The following PWWP3A variants were observed in gnomAD, a reference collection of about 807,000 sequenced individuals.
PWWP3A encodes PWWP domain containing 3A, DNA repair factor, also known as PWWP domain-containing DNA repair factor 3A.
PWWP3A carries 53 observed loss-of-function variants against 79.0 expected under a neutral mutation model. The observed-to-expected ratio is 0.67, with a 90% CI of 0.54 to 0.84. PWWP3A has a LOEUF of 0.84. PWWP3A is among the 40% of genes least tolerant of loss of function. The pLI, the probability that PWWP3A is intolerant of heterozygous loss-of-function variation, is 0.00. For missense variants in PWWP3A, 973 were observed against 948.0 expected (o/e 1.03, Z -0.35); for synonymous variants, 443 against 394.4 (o/e 1.12, Z -1.46).
intron 12 of PWWP3A, 175 bp downstream of exon 12, chr19:1,371,253 G>A (rs759618435): frequency 5.7e-5 from 45 of 784,108 alleles, no homozygotes; most frequent in South Asian, 1.2e-4. Flanking sequence ...ATGCGAGTGC[G>A]TGCGCTTGAC....
intron 11 of PWWP3A, among the ~76,000 whole-genome samples, chr19:1,370,197 C>T (rs2082220777): frequency 6.6e-6 from 1 of 152,188 alleles, no homozygotes; most frequent in Admixed American, 6.5e-5. Context: ...GATTGCACCG[C>T]TGCACTCCAG....
At chr19:1,372,981 G>A (rs2082293657) in intron 12 of PWWP3A, 91 bp from the exon 13 acceptor site, 1 of 1,044,194 alleles carries the variant, frequency 9.6e-7, no homozygotes, top group East Asian at 2.4e-5. Context: ...GGAACCTGGT[G>A]ACCCAGGCTC....
Position 1,358,477 on chromosome 19 carries a change from T to G in PWWP3A, c.214+13T>G. On this transcript the variant is annotated intron_variant, in intron 4 of 13. Transcript: ENST00000591337. The stretch of plus-strand genomic sequence containing the variant: ...GCTTCCTCGTTAGGTAAGAGCGTAT[T>G]TTTAAGTGGCCACTAGGTTTTCATA... 6.2e-7 allele frequency: 1 copy of G among 1,613,418 alleles called. No homozygotes were observed. Among genetic ancestry groups the G allele is most frequent in the Non-Finnish European group, 8.5e-7 (1 of 1,179,568 alleles).
chr19:1,371,346 C>T, intron 12 of PWWP3A: 1 of 704,680 alleles, frequency 1.4e-6, no homozygotes, highest in Non-Finnish European at 2.6e-6. Context: ...GGGGTGCGAA[C>T]TCCCTCCCTA....
chr19:1,362,483 A>G, intron 6 of PWWP3A, 132 bp downstream of exon 6: 1 of 658,354 alleles, frequency 1.5e-6, no homozygotes, highest in East Asian at 2.7e-5. Context: ...CACTGAACCG[A>G]GACCTGGAAG....
In PWWP3A at chr19:1,354,969, C is replaced by A. The variant is rs1468843922; in HGVS notation, c.-236C>A. The A allele has an allele frequency of 7.1e-6, 1 of 140,578 alleles. No homozygotes were observed. The highest frequency in any genetic ancestry group is 2.0e-4 in the East Asian group (1 of 5,010). 8.7% of individuals were successfully genotyped at this position (140,578 alleles called of 1,614,324 possible). ...GCGCCGCCGCGAGGCAAGCCCCGCC[C>A]CCGGCCCCGCGGGGAGCGGCGGCGG... On this transcript the variant is annotated 5_prime_UTR_variant, in exon 1 of 14. Transcript: ENST00000591337.
At chr19:1,376,295 G>GTTTTTTTTTTTTTTTTTTTTTTTTT (rs754438911) in intron 13 of PWWP3A, among the ~76,000 whole-genome samples, 5 of 67,066 alleles carry the variant, frequency 7.5e-5, no homozygotes, top group African/African-American at 1.1e-4. Flanking sequence ...CCGGCTGTTT[G>GTTTTTTTTTTTTTTTTTTTTTTTTT]TTTTTTTTTT....
At chr19:1,361,141 C>A (rs1258378413) in intron 5 of PWWP3A, 109 bp downstream of exon 5, 24 of 1,136,930 alleles carry the variant, frequency 2.1e-5, no homozygotes, top group South Asian at 2.7e-5. Context: ...TTAATGAGAT[C>A]GTTGCCAAAA....
In PWWP3A at chr19:1,368,868, G is replaced by A. The variant is rs977524804; in HGVS notation, c.1423-397G>A. Among the ~76,000 whole-genome samples, 6 of 143,526 alleles carry A rather than the reference G, an allele frequency of 4.2e-5. No homozygotes were observed. Among genetic ancestry groups the A allele is most frequent in the South Asian group, 2.2e-4 (1 of 4,638 alleles). The allele number at this position is 143,526 out of a possible 152,430, so 94.2% of individuals were successfully genotyped here. On this transcript the variant is annotated intron_variant, in intron 9 of 13. Coordinates refer to ENST00000591337, the MANE Select transcript of PWWP3A (RefSeq NM_001369789.1). The surrounding 1 kb of genome is among the most constrained non-coding windows in gnomAD (Gnocchi z 4.7). ...CTTCGGGTCCCCGGTGCCCACCTGC[G>A]TTCAGACCAGCCCAAGCCATCGGGT...
rs1396697542 is a variant in PWWP3A, at chr19:1,370,982, G to A, written c.1890G>A (p.Lys630=). The part of the protein sequence containing the change: ...EDEGQLDLVV[K]YLQGVYQEVG... ...AGGGGCAGCTGGACCTGGTGGTGAA[G>A]TACCTGCAGGGCGTCTACCAGGAGG... Residue 630 remains lysine (K), a synonymous_variant, in exon 12 of 14, where the codon AAG becomes AAA. Coordinates refer to ENST00000591337, the MANE Select transcript of PWWP3A (RefSeq NM_001369789.1). 1 of 1,565,384 alleles carries A rather than the reference G, an allele frequency of 6.4e-7. No individual in the cohort carries two copies. Among genetic ancestry groups the A allele is most frequent in the Non-Finnish European group, 8.7e-7 (1 of 1,154,558 alleles).
At position 1,356,402 on chromosome 19, in the gene PWWP3A, G is replaced by A. The variant is rs2081867388; in HGVS notation, c.10G>A (p.Ala4Thr). ...CACATGAGTGTAAATGATGGCGGAT[G>A]CCAAGTATGTCCTCTGCCGATGGGA... is the stretch of plus-strand genomic sequence containing the variant. Reference protein sequence around the residue: MADAKYVLCRWEKR... With the variant: MADTKYVLCRWEKR... The change falls in exon 2 of 14, where the codon GCC (alanine) becomes ACC (threonine). Residue 4 changes from alanine to threonine, a missense_variant. Physicochemically the swap from Ala to Thr is moderately conservative, Grantham distance 58 (BLOSUM62 0). Coordinates refer to ENST00000591337, the MANE Select transcript of PWWP3A (RefSeq NM_001369789.1). 2 of 1,614,118 alleles carry A rather than the reference G, an allele frequency of 1.2e-6. No individual in the cohort carries two copies. Among genetic ancestry groups the A allele is most frequent in the South Asian group, 2.2e-5 (2 of 91,094 alleles).
rs746946075 is a variant in PWWP3A at position 1,369,586 on chromosome 19, C to T, written c.1499-10C>T. 8.1e-6 allele frequency: 13 copies of T among 1,614,030 alleles called. No homozygotes were observed. Among genetic ancestry groups the T allele is most frequent in the East Asian group, 4.5e-5 (2 of 44,894 alleles). On this transcript the variant is annotated splice_polypyrimidine_tract_variant and intron_variant, in intron 10 of 13. Coordinates refer to ENST00000591337, the MANE Select transcript of PWWP3A (RefSeq NM_001369789.1). This position sits in a 1 kb window ranked among gnomAD's most constrained non-coding sequence, Gnocchi z 4.0. ...TCTACACAGTGCTCTCTCCCCTCCA[C>T]CCCCTGCAGGCTGCGGGTCTTTTGC...
intron 1 of PWWP3A, among the ~76,000 whole-genome samples, chr19:1,355,816 TTC>T (rs1191183292): frequency 2.0e-5 from 3 of 151,350 alleles, no homozygotes; most frequent in Non-Finnish European, 2.9e-5. Flanking sequence ...TCCTTTTCAT[TTC>T]TGTCAACAGC....
chr19:1,376,415 A>G (rs943824608), intron 13 of PWWP3A, 104 bp from the exon 14 acceptor site: 2 of 1,139,016 alleles, frequency 1.8e-6, no homozygotes, highest in Non-Finnish European at 2.5e-6. Flanking sequence ...CGGCCTCCCA[A>G]AGTGCTGGGA....
At position 1,376,758 on chromosome 19, in the gene PWWP3A, C is replaced by T. The variant is rs1333465904; in HGVS notation, c.*182C>T. 8.1e-6 allele frequency: 4 copies of T among 496,714 alleles called. No homozygotes were observed. Among genetic ancestry groups the T allele is most frequent in the African/African-American group, 6.0e-5 (3 of 50,284 alleles). 30.8% of individuals were successfully genotyped at this position (496,714 alleles called of 1,614,324 possible). ...GAATCCATTTCGTTAACACTGAAAG[C>T]CAGTTCTCTTTTCCTGGCAGTTTTT... On this transcript the variant is annotated 3_prime_UTR_variant, in exon 14 of 14. Transcript: ENST00000591337.
rs761480366 is a variant in PWWP3A, at chr19:1,366,389, G to T, written c.1361+8G>T. 1 of 1,613,640 alleles carries T rather than the reference G, an allele frequency of 6.2e-7. No individual in the cohort carries two copies. On this transcript the variant is annotated splice_region_variant and intron_variant, in intron 8 of 13. Coordinates refer to ENST00000591337, the MANE Select transcript of PWWP3A (RefSeq NM_001369789.1). ...GAACCCGAAAATGAAAGGGTAACCC[G>T]CTGTTCTTGGTTTCTGTGAATGGGC...
chr19:1,360,471 G>T lies in PWWP3A; in HGVS notation c.550G>T (p.Glu184Ter), dbSNP rs1294701086. ...CCACAAGAAGGGGCTCAGGAAAAGTGAAAACCCAAGAGGCCCGTTGGTCCT... is the reference window on the plus strand; with the variant it reads ...CCACAAGAAGGGGCTCAGGAAAAGTTAAAACCCAAGAGGCCCGTTGGTCCT... Reference protein sequence around the residue: ...VDHKKGLRKSENPRGPLVLPA... With the variant: ...VDHKKGLRKS Residue 184 changes from glutamate (E) to a stop codon, truncating the protein, a stop_gained, in exon 5 of 14, where the codon GAA becomes TAA. Transcript: ENST00000591337. LOFTEE classifies it high-confidence loss of function. The surrounding 1 kb of genome is among the most constrained non-coding windows in gnomAD (Gnocchi z 4.4). 1 of 1,614,062 alleles carries T rather than the reference G, an allele frequency of 6.2e-7. No individual in the cohort carries two copies. The highest frequency in any genetic ancestry group is 8.5e-7 in the Non-Finnish European group (1 of 1,180,034).
At position 1,369,447 on chromosome 19, in the gene PWWP3A, G is replaced by A. The variant is rs905754790; in HGVS notation, c.1498+107G>A. 8.7e-6 allele frequency: 13 copies of A among 1,490,460 alleles called. No homozygotes were observed. Among genetic ancestry groups the A allele is most frequent in the African/African-American group, 4.2e-5 (3 of 72,162 alleles). 92.3% of individuals were successfully genotyped at this position (1,490,460 alleles called of 1,614,324 possible). ...CTGCCTGGAGGCGGGGCATATTTCC[G>A]TGGGCCTGGGGCATTCCCTGTGGGT... On this transcript the variant is annotated intron_variant, in intron 10 of 13. Coordinates refer to ENST00000591337, the MANE Select transcript of PWWP3A (RefSeq NM_001369789.1). The surrounding 1 kb of genome is among the most constrained non-coding windows in gnomAD (Gnocchi z 4.0).
At chr19:1,355,578 T>A (rs1426786896) in intron 1 of PWWP3A, among the ~76,000 whole-genome samples, 2 of 112,098 alleles carry the variant, frequency 1.8e-5, no homozygotes, top group African/African-American at 6.9e-5. Context: ...GCCCCCCCGC[T>A]TCTGCTGTGA....
Sources: allele counts gnomAD v4.1 joint callset (sites outside exome capture counted in the v4.1 genomes callset), GRCh38; gene constraint gnomAD v4.1.1; non-coding constraint Gnocchi (gnomAD v3.1); transcripts MANE v1.5; gene names NCBI Gene and HGNC (gene_info 2026-07-23, HGNC 2026-07-21).